The following RPS24 variants were observed in gnomAD, a reference collection of about 807,000 sequenced individuals.
The protein encoded by RPS24 is ribosomal protein S24, also known as small ribosomal subunit protein eS24.
For missense variants in RPS24, 100 were observed against 162.5 expected (o/e 0.62, Z 2.09); for synonymous variants, 72 against 55.6 (o/e 1.30, Z -1.31).
downstream of RPS24, among the ~76,000 whole-genome samples, chr10:78,041,207 G>A (rs1847982223): frequency 6.6e-6 from 1 of 152,184 alleles, no homozygotes; most frequent in Non-Finnish European, 1.5e-5. Flanking sequence ...GACTTGGTTG[G>A]GCATGAAGGG....
chr10:78,046,671 G>A (rs997449249), intron 4 of RPS24, among the ~76,000 whole-genome samples: 2 of 152,010 alleles, frequency 1.3e-5, no homozygotes, highest in Admixed American at 6.6e-5. Context: ...ACCTGCACTC[G>A]GAGGGAAGTA....
rs151122649 is a variant in RPS24, at chr10:78,050,514, G to A, written c.391-4017G>A. 2.5e-4 allele frequency among the ~76,000 whole-genome samples: 38 copies of A among 152,312 alleles called. No homozygotes were observed. The East Asian group carries it at 6.6e-3, about 26-fold the overall frequency. Reference sequence around the variant, plus strand: ...AAAAAGAGAATAAGAGCTTTATTGAGGTTTAATTCACAGACCATATATTCA... The same window carrying A: ...AAAAAGAGAATAAGAGCTTTATTGAAGTTTAATTCACAGACCATATATTCA... On this transcript the variant is annotated intron_variant, in intron 4 of 4. Transcript: ENST00000440692.
At chr10:78,041,740 T>C (rs1349219510), downstream of RPS24, among the ~76,000 whole-genome samples, 1 of 151,800 alleles carries the variant, frequency 6.6e-6, no homozygotes, top group Non-Finnish European at 1.5e-5. Flanking sequence ...TGGGATGGGA[T>C]GGGACAGGAC....
downstream of RPS24, chr10:78,040,790 C>T: frequency 2.3e-6 from 2 of 886,008 alleles, no homozygotes; most frequent in South Asian, 3.0e-5. Context: ...TCACATGCTC[C>T]ATGAAGCATT....
At chr10:78,034,176 TG>T (rs1056281246) in intron 1 of RPS24, 79 of 18,918 alleles carry the variant, frequency 4.2e-3, no homozygotes, top group African/African-American at 0.02. Flanking sequence ...GCACGGTGGA[TG>T]GGGGTAGGGG....
intron 4 of RPS24, among the ~76,000 whole-genome samples, chr10:78,049,624 G>T (rs1411114734): frequency 6.6e-6 from 1 of 152,200 alleles, no homozygotes; most frequent in Non-Finnish European, 1.5e-5. Context: ...ATCACAGTGG[G>T]GCTGGGACTG....
intron 4 of RPS24, chr10:78,037,635 G>T: frequency 3.0e-6 from 1 of 337,680 alleles, no homozygotes; most frequent in Middle Eastern, 9.8e-4. Context: ...ATGCAGAGCG[G>T]ATCCCATTCC....
At position 78,037,395 on chromosome 10, in the gene RPS24, C is replaced by T; in HGVS notation, c.390+91C>T. On this transcript the variant is annotated intron_variant, in intron 4 of 5. Transcript: ENST00000372360. Reference sequence around the variant, plus strand: ...GGGATCTTATTAATTTTTAAAATAACTTTTCTTAATGTTTCTTCTTTTCCC... The same window carrying T: ...GGGATCTTATTAATTTTTAAAATAATTTTTCTTAATGTTTCTTCTTTTCCC... 3 of 1,499,548 alleles carry T rather than the reference C, an allele frequency of 2.0e-6. No individual in the cohort carries two copies. The South Asian group carries it at 3.9e-5, about 20-fold the overall frequency. 92.9% of individuals were successfully genotyped at this position (1,499,548 alleles called of 1,614,324 possible).
downstream of RPS24, among the ~76,000 whole-genome samples, chr10:78,044,551 G>GT (rs1316765028): frequency 6.6e-6 from 1 of 152,092 alleles, no homozygotes; most frequent in Non-Finnish European, 1.5e-5. Flanking sequence ...TGCTGGCAGA[G>GT]AGGCTCTCCT....
chr10:78,042,170 TA>T (rs1847992971), downstream of RPS24, among the ~76,000 whole-genome samples: 2 of 152,240 alleles, frequency 1.3e-5, no homozygotes, highest in African/African-American at 4.8e-5. Flanking sequence ...TCCTGTTTGA[TA>T]ACAATTGGCA....
At chr10:78,033,979 A>G (rs1564627806) in intron 1 of RPS24, 75 bp downstream of exon 1, 8 of 1,574,024 alleles carry the variant, frequency 5.1e-6, no homozygotes, top group Non-Finnish European at 7.0e-6. Flanking sequence ...CCAGTACTTG[A>G]GCTATAGGCA....
intron 4 of RPS24, among the ~76,000 whole-genome samples, chr10:78,050,472 C>A (rs1456215693): frequency 1.3e-5 from 2 of 152,210 alleles, no homozygotes; most frequent in African/African-American, 4.8e-5. Context: ...TCCCAGACCT[C>A]AGCAAGTGGC....
At chr10:78,045,322 A>G (rs2131989324), downstream of RPS24, among the ~76,000 whole-genome samples, 1 of 152,312 alleles carries the variant, frequency 6.6e-6, no homozygotes, top group East Asian at 1.9e-4. Context: ...GGACCAGATC[A>G]GGAATCAGGA....
At chr10:78,045,767 G>A (rs1266246705) in intron 4 of RPS24, among the ~76,000 whole-genome samples, 1 of 151,988 alleles carries the variant, frequency 6.6e-6, no homozygotes, top group African/African-American at 2.4e-5. Flanking sequence ...CACTTTGGGA[G>A]GCTGAGGCGG....
intron 4 of RPS24, chr10:78,054,426 C>T: frequency 9.6e-7 from 1 of 1,037,200 alleles, no homozygotes; most frequent in Non-Finnish European, 1.4e-6. Flanking sequence ...TTCCCTGGTA[C>T]CAAGTGAGGG....
intron 4 of RPS24, chr10:78,038,098 C>A: frequency 1.8e-6 from 1 of 551,584 alleles, no homozygotes; most frequent in South Asian, 1.8e-5. Flanking sequence ...ATTATAATGC[C>A]AGTGCTATTT....
intron 4 of RPS24, among the ~76,000 whole-genome samples, chr10:78,054,286 C>G (rs552626129): frequency 6.6e-5 from 10 of 152,230 alleles, no homozygotes; most frequent in Admixed American, 6.5e-4. Flanking sequence ...TGTGGGGGTT[C>G]TTGTCTACTC....
downstream of RPS24, among the ~76,000 whole-genome samples, chr10:78,041,129 C>G (rs976558547): frequency 6.6e-6 from 1 of 152,018 alleles, no homozygotes; most frequent in African/African-American, 2.4e-5. Context: ...CCACGTCTGG[C>G]TTAGAGTCTA....
chr10:78,035,220 G>A, intron 1 of RPS24, 132 bp from the exon 2 acceptor site: 1 of 893,812 alleles, frequency 1.1e-6, no homozygotes, highest in Non-Finnish European at 1.9e-6. Flanking sequence ...TGCCCAGTGG[G>A]TTTTATTTAC....
Sources: gnomAD v4.1 joint callset for allele counts (sites outside exome capture counted in the v4.1 genomes callset) on GRCh38, gnomAD v4.1.1 for gene constraint, MANE v1.5 for transcripts, NCBI Gene and HGNC (gene_info 2026-07-23, HGNC 2026-07-21) for gene names.